CMIP: variants seen among roughly 807,000 people sequenced by gnomAD.
CMIP encodes c-Maf inducing protein, also known as C-Maf-inducing protein.
In CMIP, 13 loss-of-function variants were observed where a neutral mutation model predicts 97.3. The observed-to-expected ratio is 0.13, with a 90% CI of 0.09 to 0.21. CMIP has a LOEUF of 0.21. Among genes scored for constraint, CMIP ranks in the 10% least tolerant of loss-of-function variants. CMIP has a pLI of 1.00. For synonymous variants in CMIP, 538 were observed against 436.3 expected, an observed-to-expected ratio of 1.23 and a Z score of -2.91; for missense variants, 847 against 1,024.9, an observed-to-expected ratio of 0.83 and a Z score of 2.37.
intron 10 of CMIP, among the ~76,000 whole-genome samples, chr16:81,685,368 G>T (rs565798287): frequency 1.6e-4 from 24 of 152,166 alleles, no homozygotes; most frequent in African/African-American, 5.5e-4. Context: ...CCACGCTCAC[G>T]GTTCACAGAA....
intron 1 of CMIP, among the ~76,000 whole-genome samples, chr16:81,533,105 A>G (rs980212740): frequency 6.6e-6 from 1 of 152,060 alleles, no homozygotes; most frequent in African/African-American, 2.4e-5. Flanking sequence ...CACTCCCACA[A>G]TTTTTTATTT....
chr16:81,479,999 A>G (rs75932689), intron 1 of CMIP, among the ~76,000 whole-genome samples: 2,888 of 152,258 alleles, frequency 0.019, 99 homozygotes, highest in African/African-American at 0.065. Flanking sequence ...TGGCCGCACA[A>G]TGGGATCACC....
At chr16:81,603,630 TC>T (rs2091694141) in intron 1 of CMIP, among the ~76,000 whole-genome samples, 1 of 152,194 alleles carries the variant, frequency 6.6e-6, no homozygotes, top group Non-Finnish European at 1.5e-5. Flanking sequence ...CCATCCAGGA[TC>T]CCCACAGTAC....
At chr16:81,489,323 A>C (rs1051421610) in intron 1 of CMIP, among the ~76,000 whole-genome samples, 1 of 152,042 alleles carries the variant, frequency 6.6e-6, no homozygotes, top group Non-Finnish European at 1.5e-5. Context: ...TGAAGAGGGG[A>C]GGTAGTGCTT....
chr16:81,560,191 GGTTTTGTTTTGTTTTGTTTTT>G (rs2090851270), intron 1 of CMIP, among the ~76,000 whole-genome samples: 1 of 138,632 alleles, frequency 7.2e-6, no homozygotes, highest in African/African-American at 2.6e-5. Context: ...GTGTTTTTTT[GGTTTTGTTTTGTTTTGTTTTT>G]GTTTTGTTTT....
intron 3 of CMIP, among the ~76,000 whole-genome samples, chr16:81,633,400 G>A (rs1230850075): frequency 6.6e-6 from 1 of 152,212 alleles, no homozygotes; most frequent in African/African-American, 2.4e-5. Flanking sequence ...TCGGAGATGA[G>A]GCCAAACAGA....
At chr16:81,521,888 C>G in intron 1 of CMIP, among the ~76,000 whole-genome samples, 1 of 152,162 alleles carries the variant, frequency 6.6e-6, no homozygotes, top group East Asian at 1.9e-4. Flanking sequence ...TATCCTATAT[C>G]TTACAGATAG....
chr16:81,689,298 T>C (rs1567664331), intron 10 of CMIP, among the ~76,000 whole-genome samples: 1 of 152,238 alleles, frequency 6.6e-6, no homozygotes, highest in Non-Finnish European at 1.5e-5. Context: ...TTCCTATTTC[T>C]CCACATCCTC....
At chr16:81,611,379 C>G (rs2091828977) in intron 2 of CMIP, 1 of 152,204 alleles carries the variant, frequency 6.6e-6, no homozygotes, top group Admixed American at 6.5e-5. Context: ...GCAGTCTGCA[C>G]CCTGCTGCAT....
At chr16:81,640,294 C>A (rs1000245177) in intron 3 of CMIP, among the ~76,000 whole-genome samples, 3 of 150,884 alleles carry the variant, frequency 2.0e-5, no homozygotes, top group African/African-American at 4.9e-5. Context: ...AGGCCCCCCC[C>A]CCCCCAATTC....
intron 1 of CMIP, among the ~76,000 whole-genome samples, chr16:81,490,982 G>A (rs555979099): frequency 6.6e-6 from 1 of 152,100 alleles, no homozygotes; most frequent in South Asian, 2.1e-4. Flanking sequence ...GCTCCAAGGG[G>A]TCCAGCCTGC....
At chr16:81,666,363 T>C (rs1408237076) in intron 7 of CMIP, 1 of 152,170 alleles carries the variant, frequency 6.6e-6, no homozygotes, top group Non-Finnish European at 1.5e-5. Flanking sequence ...GCATACTCCA[T>C]GTTAGTCAAT....
At chr16:81,643,083 A>G (rs1319857502) in intron 3 of CMIP, among the ~76,000 whole-genome samples, 1 of 152,202 alleles carries the variant, frequency 6.6e-6, no homozygotes, top group African/African-American at 2.4e-5. Context: ...GTTTTGGCAG[A>G]CACAGTTCCA....
chr16:81,682,112 A>T (rs1366583836), intron 10 of CMIP, among the ~76,000 whole-genome samples: 1 of 152,164 alleles, frequency 6.6e-6, no homozygotes, highest in Non-Finnish European at 1.5e-5. Context: ...CTGAAGCACG[A>T]GAATCATTTG....
At chr16:81,635,642 A>G (rs1482444839) in intron 3 of CMIP, among the ~76,000 whole-genome samples, 2 of 152,318 alleles carry the variant, frequency 1.3e-5, no homozygotes, top group Middle Eastern at 3.4e-3. Flanking sequence ...TGCCAGACAA[A>G]TATATATTTG....
chr16:81,645,702 G>A (rs1020815451), intron 3 of CMIP: 30 of 1,368,700 alleles, frequency 2.2e-5, no homozygotes, highest in South Asian at 1.4e-4. Flanking sequence ...TCTGCTTGCC[G>A]CTGGCTGGTG....
At position 81,616,515 on chromosome 16, in the gene CMIP, G is replaced by T. The variant is rs1438873359; in HGVS notation, c.427-4361G>T. 4.6e-5 allele frequency among the ~76,000 whole-genome samples: 7 copies of T among 152,234 alleles called. No individual in the cohort carries two copies. ...AGTAAGCACCCGTGGTCTGTGGTTG[G>T]TAGTGACATGCGTCATCGCACTTAG... On this transcript the variant is annotated intron_variant, in intron 2 of 20. Transcript: ENST00000537098. The surrounding 1 kb of genome is among the most constrained non-coding windows in gnomAD (Gnocchi z 4.7).
At position 81,597,598 on chromosome 16, in the gene CMIP, G is replaced by A. The variant is rs570264913; in HGVS notation, c.301-9969G>A. Among the ~76,000 whole-genome samples, 71 of 151,340 alleles carry A rather than the reference G, an allele frequency of 4.7e-4. 1 individual carries two copies. The highest frequency in any genetic ancestry group is 3.4e-3 in the Middle Eastern group (1 of 294). On this transcript the variant is annotated intron_variant, in intron 1 of 20. Transcript: ENST00000537098. ...TGGGAGGTGAGCGAGGGGAGCGGGG[G>A]GGGGGGAGTCTCCCAGCCTGGAAGG...
chr16:81,689,172 C>T (rs1385602125), intron 10 of CMIP, among the ~76,000 whole-genome samples: 1 of 152,192 alleles, frequency 6.6e-6, no homozygotes, highest in African/African-American at 2.4e-5. Context: ...GGTATATACC[C>T]AGTAATGGGA....
Sources: gnomAD v4.1 joint callset for allele counts (sites outside exome capture counted in the v4.1 genomes callset) on GRCh38, gnomAD v4.1.1 for gene constraint, Gnocchi (gnomAD v3.1) non-coding constraint, MANE v1.5 for transcripts, NCBI Gene and HGNC (gene_info 2026-07-23, HGNC 2026-07-21) for gene names.